Variants in TRIM5 observed in about 807,000 individuals in gnomAD.
TRIM5 encodes tripartite motif containing 5, also known as tripartite motif-containing protein 5.
In TRIM5, 31 loss-of-function variants were observed where a neutral mutation model predicts 35.6. That is an observed-to-expected ratio of 0.87 (90% confidence interval 0.65 to 1.18). The LOEUF is 1.18. Among genes scored for constraint, TRIM5 ranks in the 50% most tolerant of loss-of-function variants. TRIM5 has a pLI of 0.00. For missense variants in TRIM5, 609 were observed against 591.6 expected (o/e 1.03, Z -0.31); for synonymous variants, 243 against 215.6 (o/e 1.13, Z -1.11).
At chr11:5,597,047 G>A in the TRIM5 span, 1 of 1,457,974 alleles carries the variant, frequency 6.9e-7, no homozygotes, top group South Asian at 1.2e-5. Flanking sequence ...CACTGCAAAT[G>A]ACCCCACTGA....
At chr11:5,614,706 AT>A in the TRIM5 span, among the ~76,000 whole-genome samples, 977 of 152,322 alleles carry the variant, frequency 6.4e-3, 15 homozygotes, top group Non-Finnish European at 0.011. Flanking sequence ...TTATCCTAAT[AT>A]TTCCCAACAA....
chr11:5,600,217 G>C, the TRIM5 span, among the ~76,000 whole-genome samples: 2 of 152,078 alleles, frequency 1.3e-5, no homozygotes, highest in Admixed American at 6.5e-5. Context: ...ATTCAACACC[G>C]GCCCCGCCAC....
chr11:5,622,939 A>G, the TRIM5 span, among the ~76,000 whole-genome samples: 3 of 152,200 alleles, frequency 2.0e-5, no homozygotes, highest in South Asian at 2.1e-4. Context: ...TGAGACATCA[A>G]TCAATATATG....
At chr11:5,604,577 A>T in the TRIM5 span, 1 of 1,613,412 alleles carries the variant, frequency 6.2e-7, no homozygotes, top group Non-Finnish European at 8.5e-7. Context: ...AACGAGGAGC[A>T]GGAAGCTGAG....
chr11:5,607,171 T>C, the TRIM5 span, among the ~76,000 whole-genome samples: 1 of 151,994 alleles, frequency 6.6e-6, no homozygotes, highest in African/African-American at 2.4e-5. Flanking sequence ...ACCACTGCAC[T>C]CCAGCCTGGG....
At chr11:5,612,840 A>C in the TRIM5 span, 1 of 152,334 alleles carries the variant, frequency 6.6e-6, no homozygotes, top group Admixed American at 6.5e-5. Flanking sequence ...CCAGATTTCA[A>C]ATACCTACTT....
chr11:5,632,010 GA>G, the TRIM5 span, among the ~76,000 whole-genome samples: 1 of 152,132 alleles, frequency 6.6e-6, no homozygotes. Flanking sequence ...GGAGAAAGTT[GA>G]AAAAAGTATA....
chr11:5,601,575 T>C, the TRIM5 span, among the ~76,000 whole-genome samples: 180 of 152,098 alleles, frequency 1.2e-3, no homozygotes, highest in African/African-American at 3.8e-3. Flanking sequence ...CTGGCCAACA[T>C]GGTAAAACCC....
the TRIM5 span, chr11:5,589,896 A>C: frequency 6.5e-6 from 1 of 154,098 alleles, no homozygotes; most frequent in African/African-American, 2.4e-5. Context: ...CGCGAGTGGG[A>C]ACCGGGTCTG....
At chr11:5,600,432 C>T in the TRIM5 span, among the ~76,000 whole-genome samples, 1 of 152,308 alleles carries the variant, frequency 6.6e-6, no homozygotes, top group South Asian at 2.1e-4. Context: ...CTAGTACTTG[C>T]AGAAGCACCA....
chr11:5,626,447 A>G, the TRIM5 span, among the ~76,000 whole-genome samples: 1 of 152,260 alleles, frequency 6.6e-6, no homozygotes, highest in East Asian at 1.9e-4. Flanking sequence ...GAAAGTTTTA[A>G]ATAGTTTTCA....
the TRIM5 span, among the ~76,000 whole-genome samples, chr11:5,593,485 G>C: frequency 6.6e-6 from 1 of 151,906 alleles, no homozygotes; most frequent in South Asian, 2.1e-4. Flanking sequence ...AAATATATTC[G>C]AGCATATTAG....
the TRIM5 span, among the ~76,000 whole-genome samples, chr11:5,622,324 A>T: frequency 6.6e-6 from 1 of 152,096 alleles, no homozygotes; most frequent in Non-Finnish European, 1.5e-5. Context: ...AGGTGCCTGT[A>T]GTCCCGGCTA....
At chr11:5,608,489 G>T in the TRIM5 span, 1 of 1,568,846 alleles carries the variant, frequency 6.4e-7, no homozygotes, top group Non-Finnish European at 8.7e-7. Context: ...TCAGAGTGGG[G>T]AAGATTCAAG....
the TRIM5 span, among the ~76,000 whole-genome samples, chr11:5,635,665 A>G: frequency 6.6e-6 from 1 of 152,194 alleles, no homozygotes; most frequent in East Asian, 1.9e-4. Context: ...TGAATTTCCA[A>G]ATATTTCCTT....
At chr11:5,650,572 G>C in the TRIM5 span, among the ~76,000 whole-genome samples, 205 of 152,348 alleles carry the variant, frequency 1.3e-3, 2 homozygotes, top group Non-Finnish European at 1.9e-3. Context: ...AGAGTAGATA[G>C]TGCAGCAGAA....
chr11:5,607,169 A>C, the TRIM5 span, among the ~76,000 whole-genome samples: 2 of 152,224 alleles, frequency 1.3e-5, no homozygotes, highest in East Asian at 3.9e-4. Context: ...GCACCACTGC[A>C]CTCCAGCCTG....
At chr11:5,682,785 G>A (rs574000239) in intron 1 of TRIM5, among the ~76,000 whole-genome samples, 2 of 152,336 alleles carry the variant, frequency 1.3e-5, no homozygotes, top group East Asian at 3.9e-4. Flanking sequence ...CAGCATGCTG[G>A]CAGTCCTTGC....
the TRIM5 span, chr11:5,590,848 C>G: frequency 6.5e-6 from 1 of 153,000 alleles, no homozygotes; most frequent in Non-Finnish European, 1.5e-5. Context: ...AGCTTCACTC[C>G]TGAGCTAGCG....
Sources: gnomAD v4.1 joint callset for allele counts (sites outside exome capture counted in the v4.1 genomes callset) on GRCh38, gnomAD v4.1.1 for gene constraint, MANE v1.5 for transcripts, NCBI Gene and HGNC (gene_info 2026-07-23, HGNC 2026-07-21) for gene names.